PHACTR1: variants seen among roughly 807,000 people sequenced by gnomAD.
PHACTR1 encodes RPEL repeat containing 1.
A neutral mutation model predicts 69.2 loss-of-function variants in PHACTR1; 16 were observed. That is an observed-to-expected ratio of 0.23 (90% confidence interval 0.16 to 0.35). The LOEUF is 0.35. PHACTR1 is among the 10% of genes least tolerant of loss of function. PHACTR1 has a pLI of 1.00. For missense variants in PHACTR1, 510 were observed against 734.7 expected (o/e 0.69, Z 3.54); for synonymous variants, 312 against 284.5 (o/e 1.10, Z -0.97).
chr6:12,957,349 G>T (rs1187961872), intron 4 of PHACTR1: 1 of 985,146 alleles, frequency 1.0e-6, no homozygotes, highest in Non-Finnish European at 1.2e-6. Context: ...AGCTGTACAG[G>T]CTTGCTGAGT....
At chr6:13,054,746 C>T (rs1451448685) in intron 5 of PHACTR1, among the ~76,000 whole-genome samples, 4 of 152,160 alleles carry the variant, frequency 2.6e-5, no homozygotes, top group Non-Finnish European at 4.4e-5. Context: ...CTCCAAATAC[C>T]AGCACATGGG....
At chr6:12,749,939 A>T (rs1255173551) in intron 4 of PHACTR1, 149 bp downstream of exon 4, 3 of 751,512 alleles carry the variant, frequency 4.0e-6, no homozygotes, top group Non-Finnish European at 6.1e-6. Flanking sequence ...CGGTGCGCAG[A>T]GGGCGTGTGT....
intron 5 of PHACTR1, among the ~76,000 whole-genome samples, chr6:13,069,542 T>C (rs1439941576): frequency 6.6e-6 from 1 of 152,140 alleles, no homozygotes. Flanking sequence ...CTTCTCTTCA[T>C]GTTCAACATA....
intron 5 of PHACTR1, among the ~76,000 whole-genome samples, chr6:13,144,065 G>C (rs1246501366): frequency 2.0e-5 from 3 of 152,052 alleles, no homozygotes; most frequent in Non-Finnish European, 4.4e-5. Context: ...TCTGATATAA[G>C]TTATTTACAA....
intron 4 of PHACTR1, among the ~76,000 whole-genome samples, chr6:12,820,744 G>T (rs775771432): frequency 3.9e-5 from 6 of 152,134 alleles, no homozygotes; most frequent in African/African-American, 1.4e-4. Flanking sequence ...TTTAAAACTT[G>T]AATTTGTTAT....
chr6:12,719,957 T>A (rs1471374699), intron 3 of PHACTR1, among the ~76,000 whole-genome samples: 1 of 152,190 alleles, frequency 6.6e-6, no homozygotes, highest in Non-Finnish European at 1.5e-5. Context: ...GTCTGTGTGC[T>A]CAACAGCAGA....
chr6:12,884,944 C>T (rs961898726), intron 4 of PHACTR1, among the ~76,000 whole-genome samples: 1 of 152,168 alleles, frequency 6.6e-6, no homozygotes, highest in African/African-American at 2.4e-5. Context: ...GATAAAGGAA[C>T]CAGTGGAGTT....
rs183118841 is a variant in PHACTR1 at position 12,951,111 on chromosome 6, G to A, written c.251-102254G>A. Among the ~76,000 whole-genome samples the A allele has an allele frequency of 2.5e-3, 379 of 152,302 alleles. 1 individual carries two copies. The highest frequency in any genetic ancestry group is 8.5e-3 in the African/African-American group (354 of 41,558). On this transcript the variant is annotated intron_variant, in intron 4 of 14. Transcript: ENST00000332995. ...AAAAGCAATTTGAAAAATGGCTTCC[G>A]AGATTGGCAGTGGCATTGACTTGGC...
In PHACTR1 at chr6:12,862,434, G is replaced by A. The variant is rs376580092; in HGVS notation, c.250+112644G>A. Among the ~76,000 whole-genome samples, 3 of 152,246 alleles carry A rather than the reference G, an allele frequency of 2.0e-5. No homozygotes were observed. The East Asian group carries it at 5.8e-4, about 29-fold the overall frequency. ...ACTAGATCTGGGAGACTGTGAGGAAGGAGGAAACACACCTCTACTGTCCAT... is the reference window on the plus strand; with the variant it reads ...ACTAGATCTGGGAGACTGTGAGGAAAGAGGAAACACACCTCTACTGTCCAT... On this transcript the variant is annotated intron_variant, in intron 4 of 14. Coordinates refer to ENST00000332995, the MANE Select transcript of PHACTR1 (RefSeq NM_030948.6).
intron 4 of PHACTR1, among the ~76,000 whole-genome samples, chr6:12,773,058 TGAAAG>T (rs1288291602): frequency 6.6e-6 from 1 of 152,168 alleles, no homozygotes; most frequent in Non-Finnish European, 1.5e-5. Context: ...TTTAAAATAA[TGAAAG>T]GAATAAAATA....
intron 4 of PHACTR1, among the ~76,000 whole-genome samples, chr6:12,859,975 A>G (rs926352401): frequency 1.4e-5 from 2 of 144,304 alleles, no homozygotes; most frequent in Admixed American, 7.3e-5. Context: ...CTAATGGCTT[A>G]AGAAGGACAT....
At position 13,166,177 on chromosome 6, in the gene PHACTR1, G is replaced by T. The variant is rs190837244; in HGVS notation, c.496+5893G>T. 5.9e-5 allele frequency among the ~76,000 whole-genome samples: 9 copies of T among 152,226 alleles called. No homozygotes were observed. The East Asian group carries it at 1.7e-3, about 29-fold the overall frequency. ...GCTCCTCTTTCCAGCCTTGGCTGAG[G>T]TGTCACCTTCCCAGTGAAGCTTACT... On this transcript the variant is annotated intron_variant, in intron 6 of 14. Transcript: ENST00000332995.
chr6:13,129,269 G>A (rs1345040426), intron 5 of PHACTR1, among the ~76,000 whole-genome samples: 1 of 151,962 alleles, frequency 6.6e-6, no homozygotes, highest in Non-Finnish European at 1.5e-5. Flanking sequence ...GAGGTATTAA[G>A]GCACCAACTA....
intron 10 of PHACTR1, 197 bp from the exon 11 acceptor site, chr6:13,272,663 A>G (rs1777996547): frequency 1.0e-5 from 15 of 1,476,078 alleles, no homozygotes; most frequent in Non-Finnish European, 1.3e-5. Flanking sequence ...CGGCTGTGAC[A>G]TGACGCACGT....
At chr6:12,898,005 G>T (rs1784841758) in intron 4 of PHACTR1, among the ~76,000 whole-genome samples, 1 of 151,984 alleles carries the variant, frequency 6.6e-6, no homozygotes, top group African/African-American at 2.4e-5. Flanking sequence ...GAGAATAATG[G>T]TTTCCAGCTT....
At chr6:13,196,550 A>G in intron 7 of PHACTR1, 1 of 162,938 alleles carries the variant, frequency 6.1e-6, no homozygotes, top group South Asian at 1.2e-4. Context: ...CCTCCCAAGT[A>G]GCTGGGACTA....
intron 4 of PHACTR1, among the ~76,000 whole-genome samples, chr6:12,989,157 G>C (rs1487093488): frequency 6.6e-6 from 1 of 152,172 alleles, no homozygotes; most frequent in African/African-American, 2.4e-5. Flanking sequence ...AATACAAAAG[G>C]TGACTTTCAG....
chr6:13,090,777 A>G (rs930592148), intron 5 of PHACTR1, among the ~76,000 whole-genome samples: 1 of 152,060 alleles, frequency 6.6e-6, no homozygotes, highest in Non-Finnish European at 1.5e-5. Context: ...GTAAAATGAG[A>G]TGAGAATAAG....
rs1232617504 is a variant in PHACTR1 at position 13,179,528 on chromosome 6, A to C, written c.497-2991A>C. ...ATCCTTAAATGAATCCAAGTAAAAT[A>C]GTTTTTACTTTTATTGCTACCCATC... On this transcript the variant is annotated intron_variant, in intron 6 of 14. Transcript: ENST00000332995. The surrounding 1 kb of genome is among the most constrained non-coding windows in gnomAD (Gnocchi z 4.2). Among the ~76,000 whole-genome samples, 3 of 151,986 alleles carry C rather than the reference A, an allele frequency of 2.0e-5. No homozygotes were observed.
Sources: gnomAD v4.1 joint callset for allele counts (sites outside exome capture counted in the v4.1 genomes callset) on GRCh38, gnomAD v4.1.1 for gene constraint, Gnocchi (gnomAD v3.1) non-coding constraint, MANE v1.5 for transcripts, NCBI Gene and HGNC (gene_info 2026-07-23, HGNC 2026-07-21) for gene names.